SLC25A18: variants seen among roughly 807,000 people sequenced by gnomAD.
SLC25A18 encodes mitochondrial glutamate carrier 2.
In SLC25A18, 24 loss-of-function variants were observed where a neutral mutation model predicts 31.1. That is an observed-to-expected ratio of 0.77 (90% CI 0.56 to 1.08). SLC25A18 has a LOEUF of 1.08. Among genes scored for constraint, SLC25A18 ranks in the 50% least tolerant of loss-of-function variants. The pLI is 0.00. For synonymous variants in SLC25A18, 173 were observed against 161.9 expected, an observed-to-expected ratio of 1.07 and a Z score of -0.52; for missense variants, 371 against 418.5, an observed-to-expected ratio of 0.89 and a Z score of 0.99.
At chr22:17,582,058 A>G (rs984633097) in intron 5 of SLC25A18, 8 of 151,170 alleles carry the variant, frequency 5.3e-5, no homozygotes, top group African/African-American at 2.0e-4. Context: ...AGGAGTCCGT[A>G]AGAAAAAAAT....
At chr22:17,573,621 G>A (rs2057154892) in intron 2 of SLC25A18, among the ~76,000 whole-genome samples, 1 of 152,056 alleles carries the variant, frequency 6.6e-6, no homozygotes. Context: ...CAGTGCTGAG[G>A]AGAGAGTTCC....
At chr22:17,572,761 C>A (rs1298597157) in intron 2 of SLC25A18, among the ~76,000 whole-genome samples, 2 of 145,306 alleles carry the variant, frequency 1.4e-5, no homozygotes, top group African/African-American at 2.8e-5. Flanking sequence ...CCTGCCTCAG[C>A]CTCCCGAGTA....
At chr22:17,568,048 C>A (rs1170073462) in intron 1 of SLC25A18, among the ~76,000 whole-genome samples, 14 of 151,178 alleles carry the variant, frequency 9.3e-5, no homozygotes, top group Admixed American at 9.2e-4. Context: ...TAGTAACTTA[C>A]AACTTTTTAA....
intron 1 of SLC25A18, 42 bp from the exon 2 acceptor site, chr22:17,569,882 C>T: frequency 1.0e-6 from 1 of 985,466 alleles, no homozygotes; most frequent in African/African-American, 1.7e-5. Flanking sequence ...AAGGGAAAAC[C>T]AGTCCAAGCT....
chr22:17,583,625 T>C (rs767662799), intron 7 of SLC25A18, 91 bp downstream of exon 7: 87 of 1,495,356 alleles, frequency 5.8e-5, no homozygotes, highest in Non-Finnish European at 7.1e-5. Flanking sequence ...TGCTAGGCTG[T>C]GTGACCAGTC....
chr22:17,589,934 C>T (rs1302957422), intron 10 of SLC25A18, among the ~76,000 whole-genome samples, 161 bp from the exon 11 acceptor site: 1 of 152,228 alleles, frequency 6.6e-6, no homozygotes, highest in African/African-American at 2.4e-5. Context: ...AACCTGCATG[C>T]ACCTAGCGGG....
chr22:17,580,733 G>A, intron 3 of SLC25A18: 1 of 1,140,468 alleles, frequency 8.8e-7, no homozygotes, highest in Non-Finnish European at 1.1e-6. Context: ...GGACGGGCCG[G>A]GGAAGCTTGG....
chr22:17,589,586 T>G lies in SLC25A18; in HGVS notation c.731-4T>G. On this transcript the variant is annotated splice_polypyrimidine_tract_variant and splice_region_variant and intron_variant, in intron 9 of 10. Coordinates refer to ENST00000327451, the MANE Select transcript of SLC25A18 (RefSeq NM_031481.3). ...CTACTTACTTTAACTTTTACTTGAT[T>G]TAGTTCTGAAAACTCGAATCCAAAC... The G allele has an allele frequency of 3.1e-6, 5 of 1,613,918 alleles. No individual in the cohort carries two copies. The highest frequency in any genetic ancestry group is 3.4e-6 in the Non-Finnish European group (4 of 1,179,872).
intron 9 of SLC25A18, 31 bp downstream of exon 9, chr22:17,588,110 G>A: frequency 6.2e-7 from 1 of 1,611,684 alleles, no homozygotes; most frequent in South Asian, 1.1e-5. Context: ...TCCTTTCTAT[G>A]GGATAAACAG....
intron 6 of SLC25A18, among the ~76,000 whole-genome samples, chr22:17,583,015 C>T (rs1436661178): frequency 6.6e-6 from 1 of 152,064 alleles, no homozygotes; most frequent in Non-Finnish European, 1.5e-5. Flanking sequence ...GTCGAGGTTG[C>T]AGTGAGCCAT....
rs983379969 is a variant in SLC25A18, at chr22:17,587,200, T to A, written c.474T>A (p.Ala158=). The A allele has an allele frequency of 1.2e-6, 2 of 1,614,138 alleles. No individual in the cohort carries two copies. Among genetic ancestry groups the A allele is most frequent in the Non-Finnish European group, 8.5e-7 (1 of 1,180,024 alleles). ...STSRSYTTGS[A]STHRRPSATL... is the part of the protein sequence containing the mutation. The stretch of plus-strand genomic sequence containing the variant: ...CCAGGTCCTACACAACTGGTTCGGC[T>A]TCCACCCACAGGCGCCCCTCTGCCA... The change falls in exon 8 of 11, where the codon GCT becomes GCA. Residue 158 remains alanine (A), a synonymous_variant. Transcript: ENST00000327451.
intron 10 of SLC25A18, 134 bp from the exon 11 acceptor site, chr22:17,589,961 C>A: frequency 1.5e-6 from 2 of 1,291,300 alleles, no homozygotes; most frequent in South Asian, 2.8e-5. Context: ...ACAGCTCCCA[C>A]ACCGTTGGCC....
In SLC25A18 at chr22:17,587,958, G is replaced by A. The variant is rs767126198; in HGVS notation, c.609G>A (p.Leu203=). The part of the protein sequence containing the change: ...DIPFSIIYFP[L]FANLNNLGFN... ...CTTTCTCCATCATCTACTTCCCACT[G>A]TTTGCCAACCTTAACAACCTGGGGT... The change falls in exon 9 of 11, where the codon CTG becomes CTA. Residue 203 remains leucine, a synonymous_variant. Transcript: ENST00000327451. 5.4e-5 allele frequency: 87 copies of A among 1,614,052 alleles called. No homozygotes were observed. The highest frequency in any genetic ancestry group is 6.9e-5 in the Non-Finnish European group (81 of 1,180,038).
In SLC25A18 at chr22:17,584,159, C is replaced by T. The variant is rs192231885; in HGVS notation, c.409+625C>T. 430 of 752,814 alleles carry T rather than the reference C, an allele frequency of 5.7e-4. 1 individual carries two copies. The African/African-American group carries it at 7.1e-3, about 12-fold the overall frequency. 46.6% of individuals were successfully genotyped at this position (752,814 alleles called of 1,614,324 possible). ...CTGTAATCCCAGCACTTTGGGAGGC[C>T]GAGGCGGGCGGATTATGAGGTCAGA... is the stretch of plus-strand genomic sequence containing the variant. On this transcript the variant is annotated intron_variant, in intron 7 of 10. Transcript: ENST00000327451.
At chr22:17,574,476 C>T (rs1273322566) in intron 2 of SLC25A18, among the ~76,000 whole-genome samples, 2 of 152,004 alleles carry the variant, frequency 1.3e-5, no homozygotes, top group African/African-American at 2.4e-5. Context: ...AGGGTCTGCA[C>T]GCCCCACCTT....
rs780526057 is a variant in SLC25A18 at position 17,587,967 on chromosome 22, C to T, written c.618C>T (p.Asn206=). The T allele has an allele frequency of 5.0e-6, 8 of 1,614,104 alleles. No homozygotes were observed. In the Admixed American group the frequency reaches 5.0e-5, roughly 10 times the overall value. ...TCATCTACTTCCCACTGTTTGCCAA[C>T]CTTAACAACCTGGGGTTCAACGAGC... ...FSIIYFPLFA[N]LNNLGFNELA... is the part of the protein sequence containing the mutation. The change falls in exon 9 of 11, where the codon AAC becomes AAT. Residue 206 remains asparagine (N), a synonymous_variant. Transcript: ENST00000327451.
intron 7 of SLC25A18, among the ~76,000 whole-genome samples, chr22:17,584,608 C>T (rs1601332610): frequency 2.0e-5 from 3 of 150,870 alleles, no homozygotes; most frequent in African/African-American, 4.9e-5. Flanking sequence ...AGTGAAACCC[C>T]GTCTCTACTA....
intron 2 of SLC25A18, among the ~76,000 whole-genome samples, chr22:17,576,349 G>C (rs1263001239): frequency 6.7e-6 from 1 of 149,228 alleles, no homozygotes; most frequent in African/African-American, 2.5e-5. Flanking sequence ...GTGAGACTCC[G>C]TCTCAAAAAA....
chr22:17,590,402 C>A lies in SLC25A18; in HGVS notation c.*166C>A. The A allele has an allele frequency of 1.3e-6, 1 of 761,446 alleles. No individual in the cohort carries two copies. Among genetic ancestry groups the A allele is most frequent in the Non-Finnish European group, 2.0e-6 (1 of 491,842 alleles). 47.2% of individuals were successfully genotyped at this position (761,446 alleles called of 1,614,324 possible). ...CAGCCCTATATTCTAACAAGTTGAG[C>A]ACAGCCTTCTTCCCCTTCGTGTCTA... On this transcript the variant is annotated 3_prime_UTR_variant, in exon 11 of 11. Coordinates refer to ENST00000327451, the MANE Select transcript of SLC25A18 (RefSeq NM_031481.3).
Sources: gnomAD v4.1 joint callset for allele counts (sites outside exome capture counted in the v4.1 genomes callset) on GRCh38, gnomAD v4.1.1 for gene constraint, MANE v1.5 for transcripts, NCBI Gene and HGNC (gene_info 2026-07-23, HGNC 2026-07-21) for gene names.